Variants in CPD observed in about 807,000 individuals in gnomAD.
The protein encoded by CPD is carboxypeptidase D, also known as metallocarboxypeptidase D.
In CPD, 69 loss-of-function variants were observed where a neutral mutation model predicts 138.3. The observed-to-expected ratio is 0.50, with a 90% CI of 0.41 to 0.61. CPD has a LOEUF of 0.61. CPD is among the 20% of genes least tolerant of loss of function. The pLI is 0.00. For missense variants in CPD, 1,432 were observed against 1,733.3 expected (o/e 0.83, Z 3.09); for synonymous variants, 651 against 642.1 (o/e 1.01, Z -0.21).
intron 2 of CPD, among the ~76,000 whole-genome samples, chr17:30,393,674 G>C (rs1026840250): frequency 6.6e-6 from 1 of 152,156 alleles, no homozygotes; most frequent in Non-Finnish European, 1.5e-5. Context: ...TAATGAACGC[G>C]TACAGAATAC....
Position 30,420,853 on chromosome 17 carries a change from A to G in CPD, c.1007A>G (p.Asp336Gly). The G allele has an allele frequency of 6.2e-7, 1 of 1,610,688 alleles. No individual in the cohort carries two copies. The highest frequency in any genetic ancestry group is 8.5e-7 in the Non-Finnish European group (1 of 1,177,954). The stretch of plus-strand genomic sequence containing the variant: ...TTCTATGTTACAGGTGGTATGCAAG[A>G]TTACAATTATGTGTGGGCCAACTGT... ...HWYDVEGGMQDYNYVWANCFE... is the reference protein window; with the variant it reads ...HWYDVEGGMQGYNYVWANCFE... The change falls in exon 3 of 21, where the codon GAT becomes GGT. Residue 336 changes from aspartate (D) to glycine (G), a missense_variant. Physicochemically the swap from Asp to Gly is moderately conservative, Grantham distance 94. Coordinates refer to ENST00000225719, the MANE Select transcript of CPD (RefSeq NM_001304.5).
At chr17:30,431,704 A>C in intron 7 of CPD, 68 bp from the exon 8 acceptor site, 1 of 1,050,560 alleles carries the variant, frequency 9.5e-7, no homozygotes, top group Non-Finnish European at 1.4e-6. Context: ...CAGTATTCTG[A>C]AAAGCTTTAT....
Position 30,460,268 on chromosome 17 carries a change from A to G in CPD, c.3499-912A>G, listed in dbSNP as rs139647091. Among the ~76,000 whole-genome samples, 16 of 152,340 alleles carry G rather than the reference A, an allele frequency of 1.1e-4. 1 individual carries two copies. In the East Asian group the frequency reaches 2.7e-3, roughly 26 times the overall value. On this transcript the variant is annotated intron_variant, in intron 17 of 20. Coordinates refer to ENST00000225719, the MANE Select transcript of CPD (RefSeq NM_001304.5). ...GAGCCACAGAAGTTTAAGAATGGAA[A>G]GAGTGCTTGTTGCTTTGAATGCTTT...
intron 6 of CPD, among the ~76,000 whole-genome samples, chr17:30,425,516 C>T (rs933498165): frequency 5.3e-5 from 8 of 152,016 alleles, no homozygotes; most frequent in African/African-American, 1.7e-4. Context: ...ATTAGCTGGA[C>T]GTGGTGGTGC....
At chr17:30,387,714 C>G (rs369491179) in intron 2 of CPD, among the ~76,000 whole-genome samples, 5 of 152,112 alleles carry the variant, frequency 3.3e-5, no homozygotes, top group African/African-American at 1.2e-4. Flanking sequence ...TATATTTAAA[C>G]CTTTGAATTA....
intron 2 of CPD, among the ~76,000 whole-genome samples, chr17:30,394,005 C>T (rs916282458): frequency 2.0e-5 from 3 of 151,580 alleles, no homozygotes; most frequent in African/African-American, 7.3e-5. Flanking sequence ...CATGGTGATG[C>T]ACCCCTGTAG....
At chr17:30,395,375 A>G (rs1479762109) in intron 2 of CPD, among the ~76,000 whole-genome samples, 1 of 152,136 alleles carries the variant, frequency 6.6e-6, no homozygotes, top group Non-Finnish European at 1.5e-5. Flanking sequence ...TTGCACATTA[A>G]AGACCTGGTT....
chr17:30,436,649 C>T (rs1238761130), intron 8 of CPD, among the ~76,000 whole-genome samples: 1 of 152,130 alleles, frequency 6.6e-6, no homozygotes, highest in African/African-American at 2.4e-5. Flanking sequence ...AAAATTGAAA[C>T]CTTACATACA....
intron 9 of CPD, among the ~76,000 whole-genome samples, chr17:30,441,574 A>T: frequency 1.4e-5 from 1 of 70,606 alleles, no homozygotes; most frequent in Non-Finnish European, 2.9e-5. Flanking sequence ...TATTATTTTG[A>T]AATACGTCCC....
intron 2 of CPD, among the ~76,000 whole-genome samples, chr17:30,405,367 A>G (rs930109071): frequency 6.6e-6 from 1 of 152,176 alleles, no homozygotes; most frequent in African/African-American, 2.4e-5. Context: ...ATCTGTAGCT[A>G]TCTGCTTAGG....
chr17:30,441,895 G>A (rs1020600891), intron 9 of CPD, among the ~76,000 whole-genome samples: 23 of 147,728 alleles, frequency 1.6e-4, no homozygotes, highest in African/African-American at 5.7e-4. Flanking sequence ...GTCTCTGCCC[G>A]GCTTTGGTAT....
chr17:30,424,947 C>T (rs1912363841), intron 6 of CPD, among the ~76,000 whole-genome samples: 1 of 152,164 alleles, frequency 6.6e-6, no homozygotes, highest in African/African-American at 2.4e-5. Context: ...ATTAGTACCC[C>T]AGAAGCTCAC....
At chr17:30,397,737 C>CA (rs71138885) in intron 2 of CPD, among the ~76,000 whole-genome samples, 5,437 of 31,462 alleles carry the variant, frequency 0.17, 696 homozygotes, top group African/African-American at 0.25. Context: ...ACTCCTGTCT[C>CA]AAAAAAAAAA....
Position 30,466,248 on chromosome 17 carries a change from G to A in CPD, c.*1434G>A, listed in dbSNP as rs958458212. On this transcript the variant is annotated 3_prime_UTR_variant, in exon 21 of 21. Transcript: ENST00000225719. ...GCTGCTGAACTTATACTAAATCAGG[G>A]GACCAAAAAACTTGCTCTTATCTTC... 2 of 152,446 alleles carry A rather than the reference G, an allele frequency of 1.3e-5. No individual in the cohort carries two copies. Among genetic ancestry groups the A allele is most frequent in the Admixed American group, 1.3e-4 (2 of 15,250 alleles). 9.4% of individuals were successfully genotyped at this position (152,446 alleles called of 1,614,324 possible).
intron 2 of CPD, among the ~76,000 whole-genome samples, chr17:30,408,752 A>G (rs1376227482): frequency 7.9e-5 from 12 of 152,186 alleles, no homozygotes; most frequent in Non-Finnish European, 2.9e-5. Context: ...GCCATCTGCA[A>G]ACAGGGACAA....
Position 30,379,454 on chromosome 17 carries a change from CGGCTACCGCCGCGGG to C in CPD, c.476_490del (p.Gly159_Gly163del). The C allele has an allele frequency of 2.5e-6, 4 of 1,570,986 alleles. No homozygotes were observed. Among genetic ancestry groups the C allele is most frequent in the Non-Finnish European group, 2.6e-6 (3 of 1,166,028 alleles). On this transcript the variant is annotated inframe_deletion, in exon 1 of 21. Coordinates refer to ENST00000225719, the MANE Select transcript of CPD (RefSeq NM_001304.5). This position sits in a 1 kb window ranked among gnomAD's most constrained non-coding sequence, Gnocchi z 7.0. ...TCTACTTGGCCCGCGAGCTGGCGGCCGGCTACCGCCGCGGGGACCCGCGCCTGGTCCGCCTGCTCA... is the reference window on the plus strand; with the variant it reads ...TCTACTTGGCCCGCGAGCTGGCGGCCGACCCGCGCCTGGTCCGCCTGCTCA...
In CPD at chr17:30,429,429, T is replaced by C. The variant is rs567497816; in HGVS notation, c.2017+1871T>C. Among the ~76,000 whole-genome samples the C allele has an allele frequency of 6.6e-5, 10 of 152,318 alleles. No homozygotes were observed. The East Asian group carries it at 1.9e-3, about 29-fold the overall frequency. Reference sequence around the variant, plus strand: ...CAGACATTTTTCTTTCCATGACATATTTTGTTTTCTCATCTTAAAATCCTT... The same window carrying C: ...CAGACATTTTTCTTTCCATGACATACTTTGTTTTCTCATCTTAAAATCCTT... On this transcript the variant is annotated intron_variant, in intron 7 of 20. Transcript: ENST00000225719.
At chr17:30,411,131 G>A (rs961534500) in intron 2 of CPD, among the ~76,000 whole-genome samples, 6 of 152,150 alleles carry the variant, frequency 3.9e-5, no homozygotes, top group African/African-American at 1.2e-4. Flanking sequence ...TAGTTTGGCT[G>A]GATATGAAAT....
At position 30,379,862 on chromosome 17, in the gene CPD, G is replaced by A; in HGVS notation, c.746+136G>A. The A allele has an allele frequency of 1.7e-6, 1 of 576,984 alleles. No homozygotes were observed. Among genetic ancestry groups the A allele is most frequent in the Non-Finnish European group, 2.7e-6 (1 of 374,344 alleles). 35.7% of individuals were successfully genotyped at this position (576,984 alleles called of 1,614,324 possible). A position where few individuals can be genotyped will look rare whatever the true frequency, so the allele number is the denominator to read the frequency against. On this transcript the variant is annotated intron_variant, in intron 1 of 20. Transcript: ENST00000225719. This position sits in a 1 kb window ranked among gnomAD's most constrained non-coding sequence, Gnocchi z 7.0. ...AGGTGAAGGGAGACACCCTGTAACG[G>A]GGACAGGGCCCAGGCCGCGTAGCCT...
Sources: allele counts gnomAD v4.1 joint callset (sites outside exome capture counted in the v4.1 genomes callset), GRCh38; gene constraint gnomAD v4.1.1; non-coding constraint Gnocchi (gnomAD v3.1); transcripts MANE v1.5; gene names NCBI Gene and HGNC (gene_info 2026-07-23, HGNC 2026-07-21).